The following JAM3 variants were observed in gnomAD, a reference collection of about 807,000 sequenced individuals.
JAM3 encodes the protein junctional adhesion molecule C.
A neutral mutation model predicts 39.4 loss-of-function variants in JAM3; 31 were observed. That is an observed-to-expected ratio of 0.79 (90% CI 0.59 to 1.06). The LOEUF (loss-of-function observed/expected upper bound fraction) is 1.06. JAM3 is among the 50% of genes least tolerant of loss of function. JAM3 has a pLI of 0.00. For missense variants in JAM3, 455 were observed against 391.4 expected (o/e 1.16, Z -1.37); for synonymous variants, 182 against 148.7 (o/e 1.22, Z -1.63).
intron 1 of JAM3, among the ~76,000 whole-genome samples, chr11:134,076,151 C>CTTTTT (rs551303530): frequency 8.6e-4 from 103 of 120,354 alleles, no homozygotes; most frequent in Non-Finnish European, 1.3e-3. Context: ...TCTTTTCTTT[C>CTTTTT]TTTTTTTTTT....
chr11:134,147,139 A>G (rs1943088074), intron 6 of JAM3, among the ~76,000 whole-genome samples: 1 of 152,034 alleles, frequency 6.6e-6, no homozygotes, highest in Non-Finnish European at 1.5e-5. Context: ...TAGTGATGAA[A>G]CTTGGGAATT....
intron 1 of JAM3, among the ~76,000 whole-genome samples, chr11:134,111,811 C>T (rs1159559662): frequency 6.6e-6 from 1 of 152,134 alleles, no homozygotes; most frequent in Non-Finnish European, 1.5e-5. Context: ...TCTCAATTAA[C>T]AAAAATTTCA....
At chr11:134,080,756 G>C (rs948886171) in intron 1 of JAM3, among the ~76,000 whole-genome samples, 1 of 152,138 alleles carries the variant, frequency 6.6e-6, no homozygotes, top group Non-Finnish European at 1.5e-5. Flanking sequence ...AGAGTGGGGC[G>C]CTACTGAAAA....
chr11:134,151,632 T>C lies in JAM3; in HGVS notation c.*2451T>C, dbSNP rs1565510038. On this transcript the variant is annotated 3_prime_UTR_variant, in exon 9 of 9. Coordinates refer to ENST00000299106, the MANE Select transcript of JAM3 (RefSeq NM_032801.5). ...AATGTGACTCAAGACTCGAGGCCGA[T>C]ACGAGGCTGTGATTCTGCCTTTGGA... 1 of 152,248 alleles carries C rather than the reference T, an allele frequency of 6.6e-6. No individual in the cohort carries two copies. The highest frequency in any genetic ancestry group is 1.5e-5 in the Non-Finnish European group (1 of 68,062). The allele number at this position is 152,248 out of a possible 1,614,324, so 9.4% of individuals were successfully genotyped here.
chr11:134,094,087 A>C (rs1399648626), intron 1 of JAM3, among the ~76,000 whole-genome samples: 81 of 60,528 alleles, frequency 1.3e-3, no homozygotes, highest in Non-Finnish European at 1.4e-3. Context: ...TTCCACCTTA[A>C]ACGTCACTTC....
rs1943211650 is a variant in JAM3, at chr11:134,150,975, G to C, written c.*1794G>C. On this transcript the variant is annotated 3_prime_UTR_variant, in exon 9 of 9. Transcript: ENST00000299106. ...TCCGCCGGAGACACTGCTCCCATTT[G>C]TGGGGGGACATTAGCAACATCACTC... 1 of 152,238 alleles carries C rather than the reference G, an allele frequency of 6.6e-6. No homozygotes were observed. The highest frequency in any genetic ancestry group is 2.4e-5 in the African/African-American group (1 of 41,452). 9.4% of individuals were successfully genotyped at this position (152,238 alleles called of 1,614,324 possible).
intron 1 of JAM3, among the ~76,000 whole-genome samples, chr11:134,083,057 A>C (rs1318122316): frequency 1.3e-5 from 2 of 152,208 alleles, no homozygotes; most frequent in Non-Finnish European, 2.9e-5. Context: ...GTATATTTCC[A>C]GCTTAAGTTA....
Position 134,144,843 on chromosome 11 carries a change from A to G in JAM3, c.461A>G (p.Lys154Arg), listed in dbSNP as rs957584777. The G allele has an allele frequency of 6.2e-7, 1 of 1,614,220 alleles. No homozygotes were observed. The highest frequency in any genetic ancestry group is 8.5e-7 in the Non-Finnish European group (1 of 1,180,042). The change falls in exon 5 of 9, where the codon AAG becomes AGG. Residue 154 changes from lysine (K) to arginine (R), a missense_variant. Lys to Arg is a conservative substitution (Grantham distance 26). Coordinates refer to ENST00000299106, the MANE Select transcript of JAM3 (RefSeq NM_032801.5). ...CRVPKAVPVGKMATLHCQESE... is the reference protein window; with the variant it reads ...CRVPKAVPVGRMATLHCQESE... ...GTGCCGAAGGCTGTACCAGTAGGCA[A>G]GATGGCAACACTGCACTGCCAGGAG...
chr11:134,096,473 A>G (rs1032983072), intron 1 of JAM3, among the ~76,000 whole-genome samples: 3 of 152,138 alleles, frequency 2.0e-5, no homozygotes. Flanking sequence ...ACTTTATCGT[A>G]CTTCATAGCC....
chr11:134,139,799 C>T (rs1159816519), intron 1 of JAM3, 52 bp from the exon 2 acceptor site: 6 of 1,441,724 alleles, frequency 4.2e-6, no homozygotes, highest in Non-Finnish European at 5.9e-6. Context: ...TGCAAGGTTT[C>T]TCTGCCGTTT....
rs537381988 is a variant in JAM3 at position 134,130,002 on chromosome 11, CAAAA to C, written c.77-9842_77-9839del. ...TGGTTACAGAGTGAGATTCTGTCTC[CAAAA>C]AAAAAAGTCAGTAAGAGTATTAAAA... On this transcript the variant is annotated intron_variant, in intron 1 of 8. Transcript: ENST00000299106. Among the ~76,000 whole-genome samples the C allele has an allele frequency of 8.4e-5, 12 of 142,892 alleles. No individual in the cohort carries two copies. In the South Asian group the frequency reaches 1.2e-3, roughly 14 times the overall value. The allele number at this position is 142,892 out of a possible 152,430, so 93.7% of individuals were successfully genotyped here. A position where few individuals can be genotyped will look rare whatever the true frequency, so the allele number is the denominator to read the frequency against.
chr11:134,135,678 C>T (rs1188310717), intron 1 of JAM3, among the ~76,000 whole-genome samples: 3 of 151,792 alleles, frequency 2.0e-5, no homozygotes, highest in Non-Finnish European at 4.4e-5. Flanking sequence ...GCTGGGATTA[C>T]AGGTGTGATG....
intron 1 of JAM3, among the ~76,000 whole-genome samples, chr11:134,129,616 C>T (rs1942726453): frequency 6.6e-6 from 1 of 152,244 alleles, no homozygotes; most frequent in East Asian, 1.9e-4. Flanking sequence ...AAATGTTTAA[C>T]TTACTTATCT....
At chr11:134,136,074 A>C (rs1942860121) in intron 1 of JAM3, among the ~76,000 whole-genome samples, 1 of 152,176 alleles carries the variant, frequency 6.6e-6, no homozygotes, top group African/African-American at 2.4e-5. Context: ...GTCTCAAAAA[A>C]CAAAACAAAA....
At chr11:134,145,096 A>T in intron 5 of JAM3, 102 bp downstream of exon 5, 1 of 985,462 alleles carries the variant, frequency 1.0e-6, no homozygotes, top group Non-Finnish European at 1.6e-6. Context: ...CTTCTTGATA[A>T]GACAGGAGTC....
At chr11:134,117,205 T>C (rs1031540385) in intron 1 of JAM3, among the ~76,000 whole-genome samples, 4 of 151,660 alleles carry the variant, frequency 2.6e-5, no homozygotes, top group African/African-American at 9.7e-5. Context: ...CTACTAAAAG[T>C]ACAAAAAATA....
intron 1 of JAM3, among the ~76,000 whole-genome samples, chr11:134,114,880 T>TA (rs1274795658): frequency 1.3e-5 from 2 of 152,248 alleles, no homozygotes; most frequent in African/African-American, 4.8e-5. Context: ...ATAGAATTTT[T>TA]AAAAATCAGC....
intron 1 of JAM3, among the ~76,000 whole-genome samples, chr11:134,136,572 C>T (rs949633463): frequency 2.0e-5 from 3 of 152,194 alleles, no homozygotes; most frequent in Admixed American, 2.0e-4. Context: ...GAAGGACTCT[C>T]AGCTTGGGAC....
chr11:134,148,576 G>T lies in JAM3; in HGVS notation c.742G>T (p.Gly248Trp). 3 of 1,614,136 alleles carry T rather than the reference G, an allele frequency of 1.9e-6. No individual in the cohort carries two copies. Among genetic ancestry groups the T allele is most frequent in the Non-Finnish European group, 2.5e-6 (3 of 1,180,022 alleles). ...YDLNIGGIIGGVLVVLAVLAL... is the reference protein window; with the variant it reads ...YDLNIGGIIGWVLVVLAVLAL... ...CCTGAACATTGGCGGAATTATTGGG[G>T]GGGTTCTGGTTGTCCTTGCTGTACT... Residue 248 changes from glycine (G) to tryptophan (W), a missense_variant, in exon 7 of 9, where the codon GGG becomes TGG. Physicochemically the swap from Gly to Trp is radical, Grantham distance 184 (BLOSUM62 -2). Coordinates refer to ENST00000299106, the MANE Select transcript of JAM3 (RefSeq NM_032801.5).
Sources: allele counts gnomAD v4.1 joint callset (sites outside exome capture counted in the v4.1 genomes callset), GRCh38; gene constraint gnomAD v4.1.1; transcripts MANE v1.5; gene names NCBI Gene and HGNC (gene_info 2026-07-23, HGNC 2026-07-21).